KLHL29: variants seen among roughly 807,000 people sequenced by gnomAD.
KLHL29 encodes the protein kelch-like protein 29.
KLHL29 carries 21 observed loss-of-function variants against 80.4 expected under a neutral mutation model. That is an observed-to-expected ratio of 0.26 (90% confidence interval 0.19 to 0.38). KLHL29 has a LOEUF of 0.38. Among genes scored for constraint, KLHL29 ranks in the 10% least tolerant of loss-of-function variants. The probability of loss-of-function intolerance (pLI) is 1.00; values close to 1 mark genes in which losing one functional copy is unlikely to be tolerated. For synonymous variants in KLHL29, 511 were observed against 526.8 expected, an observed-to-expected ratio of 0.97 and a Z score of 0.41; for missense variants, 867 against 1,223.9, an observed-to-expected ratio of 0.71 and a Z score of 4.35.
intron 1 of KLHL29, among the ~76,000 whole-genome samples, chr2:23,395,518 G>A (rs1666428960): frequency 6.6e-6 from 1 of 152,142 alleles, no homozygotes; most frequent in Admixed American, 6.5e-5. Flanking sequence ...AGGCCGAGGT[G>A]GGCGGATCAT....
At chr2:23,557,218 G>A (rs772447723) in intron 2 of KLHL29, among the ~76,000 whole-genome samples, 1 of 152,174 alleles carries the variant, frequency 6.6e-6, no homozygotes, top group Non-Finnish European at 1.5e-5. Context: ...ACCGCTCTGG[G>A]CACACATGTA....
chr2:23,638,580 A>G (rs1669681063), intron 3 of KLHL29, among the ~76,000 whole-genome samples: 1 of 152,150 alleles, frequency 6.6e-6, no homozygotes, highest in South Asian at 2.1e-4. Flanking sequence ...CTTCCTCCAT[A>G]GGACAATTGG....
chr2:23,433,123 A>G (rs1663231900), intron 1 of KLHL29, among the ~76,000 whole-genome samples: 1 of 152,200 alleles, frequency 6.6e-6, no homozygotes, highest in Non-Finnish European at 1.5e-5. Flanking sequence ...CTGGTGGCAG[A>G]GCACCCTTGG....
At chr2:23,447,092 A>G (rs915722845) in intron 1 of KLHL29, among the ~76,000 whole-genome samples, 1 of 152,262 alleles carries the variant, frequency 6.6e-6, no homozygotes, top group Admixed American at 6.5e-5. Context: ...CACGTGTGTT[A>G]GATGCCACAG....
intron 2 of KLHL29, among the ~76,000 whole-genome samples, chr2:23,493,040 G>A (rs1020701368): frequency 6.6e-6 from 1 of 152,198 alleles, no homozygotes; most frequent in Non-Finnish European, 1.5e-5. Flanking sequence ...ATGGGCAGTT[G>A]GACGAGATGA....
chr2:23,453,535 G>C (rs1663949287), intron 1 of KLHL29, among the ~76,000 whole-genome samples: 1 of 152,226 alleles, frequency 6.6e-6, no homozygotes, highest in Non-Finnish European at 1.5e-5. Flanking sequence ...TGGGAGTGCA[G>C]TGGGGGGACC....
intron 1 of KLHL29, among the ~76,000 whole-genome samples, chr2:23,400,972 G>A: frequency 6.6e-6 from 1 of 152,250 alleles, no homozygotes; most frequent in East Asian, 1.9e-4. Context: ...ATAGCATCAA[G>A]AATACCTTTG....
intron 5 of KLHL29, among the ~76,000 whole-genome samples, chr2:23,652,727 C>G (rs1670119066): frequency 6.6e-6 from 1 of 152,218 alleles, no homozygotes; most frequent in African/African-American, 2.4e-5. Flanking sequence ...GGTTAAAACA[C>G]ACGTTTATAC....
intron 3 of KLHL29, among the ~76,000 whole-genome samples, chr2:23,629,985 C>T (rs1311261279): frequency 6.6e-6 from 1 of 152,136 alleles, no homozygotes; most frequent in Non-Finnish European, 1.5e-5. Context: ...CCAGGAGAAG[C>T]ATTGTTACCG....
At chr2:23,555,898 A>G (rs1359296140) in intron 2 of KLHL29, among the ~76,000 whole-genome samples, 2 of 152,212 alleles carry the variant, frequency 1.3e-5, no homozygotes, top group African/African-American at 2.4e-5. Flanking sequence ...TGGATGTGGC[A>G]TTGCTGCATT....
At chr2:23,465,561 C>G (rs1664326123) in intron 1 of KLHL29, among the ~76,000 whole-genome samples, 1 of 152,188 alleles carries the variant, frequency 6.6e-6, no homozygotes, top group South Asian at 2.1e-4. Flanking sequence ...GGACAGAGCC[C>G]CAGCTGGCCC....
intron 3 of KLHL29, among the ~76,000 whole-genome samples, chr2:23,630,651 A>T (rs1387137746): frequency 6.6e-6 from 1 of 151,440 alleles, no homozygotes; most frequent in Non-Finnish European, 1.5e-5. Context: ...CACCCAGCTG[A>T]TTTTTTTTGT....
At chr2:23,437,749 C>T (rs1191756896) in intron 1 of KLHL29, among the ~76,000 whole-genome samples, 1 of 152,200 alleles carries the variant, frequency 6.6e-6, no homozygotes, top group East Asian at 1.9e-4. Flanking sequence ...AGCATGATGT[C>T]TCCAGCTTTG....
rs1572464280 is a variant in KLHL29 at position 23,647,647 on chromosome 2, G to A, written c.940+4797G>A. On this transcript the variant is annotated intron_variant, in intron 5 of 13. Coordinates refer to ENST00000486442, the MANE Select transcript of KLHL29 (RefSeq NM_052920.2). The surrounding 1 kb of genome is among the most constrained non-coding windows in gnomAD (Gnocchi z 4.9). ...AGTCTGGCTCTACGGTGCTGCCAGA[G>A]TGATTTTTCAAAATGCAGGTCTGGC... Among the ~76,000 whole-genome samples the A allele has an allele frequency of 6.6e-6, 1 of 152,178 alleles. No homozygotes were observed. Among genetic ancestry groups the A allele is most frequent in the African/African-American group, 2.4e-5 (1 of 41,438 alleles).
Position 23,703,343 on chromosome 2 carries a change from A to G in KLHL29, c.2263A>G (p.Thr755Ala), listed in dbSNP as rs1672512278. The change falls in exon 12 of 14, where the codon ACC becomes GCC. Residue 755 changes from threonine to alanine, a missense_variant. By Grantham distance (58) the Thr-to-Ala change is moderately conservative. Coordinates refer to ENST00000486442, the MANE Select transcript of KLHL29 (RefSeq NM_052920.2). ...AGVLQSYVPQ[T>A]NTWSFIESPM... ...CGTCCTCCAGTCTTACGTTCCTCAGACCAACACGTGGAGCTTCATCGAGTC... is the reference window on the plus strand; with the variant it reads ...CGTCCTCCAGTCTTACGTTCCTCAGGCCAACACGTGGAGCTTCATCGAGTC... 9.1e-6 allele frequency: 14 copies of G among 1,534,044 alleles called. No homozygotes were observed. The highest frequency in any genetic ancestry group is 1.1e-5 in the Non-Finnish European group (13 of 1,140,202).
chr2:23,658,844 G>T (rs577431732), intron 5 of KLHL29, among the ~76,000 whole-genome samples: 12 of 152,326 alleles, frequency 7.9e-5, no homozygotes, highest in African/African-American at 2.6e-4. Context: ...AGAGGGCCTG[G>T]GAACCAGGTC....
chr2:23,588,419 C>T (rs1668171174), intron 3 of KLHL29, among the ~76,000 whole-genome samples: 2 of 152,352 alleles, frequency 1.3e-5, no homozygotes, highest in African/African-American at 4.8e-5. Flanking sequence ...CAGGCCTCCC[C>T]TTGCCCGCCT....
chr2:23,402,280 A>T (rs954588966), intron 1 of KLHL29, among the ~76,000 whole-genome samples: 1 of 152,242 alleles, frequency 6.6e-6, no homozygotes, highest in African/African-American at 2.4e-5. Flanking sequence ...CTATTGTCCT[A>T]TGGAAATAAG....
At chr2:23,608,585 T>C (rs1668784601) in intron 3 of KLHL29, among the ~76,000 whole-genome samples, 1 of 152,234 alleles carries the variant, frequency 6.6e-6, no homozygotes, top group Non-Finnish European at 1.5e-5. Flanking sequence ...AAATTCTTCC[T>C]TTAATTGAAA....
Sources: allele counts gnomAD v4.1 joint callset (sites outside exome capture counted in the v4.1 genomes callset), GRCh38; gene constraint gnomAD v4.1.1; non-coding constraint Gnocchi (gnomAD v3.1); transcripts MANE v1.5; gene names NCBI Gene and HGNC (gene_info 2026-07-23, HGNC 2026-07-21).